The following AGPAT3 variants were observed in gnomAD, a reference collection of about 807,000 sequenced individuals.
AGPAT3 encodes the protein 1-acylglycerol-3-phosphate O-acyltransferase 3, also known as 1-acyl-sn-glycerol-3-phosphate acyltransferase gamma.
AGPAT3 carries 5 observed loss-of-function variants against 47.3 expected under a neutral mutation model. That is an observed-to-expected ratio of 0.11 (90% CI 0.06 to 0.22). AGPAT3 has a LOEUF of 0.22. AGPAT3 is among the 10% of genes least tolerant of loss of function. The probability of loss-of-function intolerance (pLI) is 1.00; values close to 1 mark genes in which losing one functional copy is unlikely to be tolerated. For synonymous variants in AGPAT3, 212 were observed against 208.3 expected (o/e 1.02, Z -0.15); for missense variants, 315 against 493.0 (o/e 0.64, Z 3.42).
chr21:43,916,291 G>A (rs1261628339), intron 2 of AGPAT3: 1 of 152,148 alleles, frequency 6.6e-6, no homozygotes, highest in Non-Finnish European at 1.5e-5. Context: ...ACAGCCTTGT[G>A]TGCTTATTTC....
At chr21:43,944,538 T>C (rs917445429) in intron 2 of AGPAT3, among the ~76,000 whole-genome samples, 7 of 152,190 alleles carry the variant, frequency 4.6e-5, no homozygotes, top group Non-Finnish European at 7.3e-5. Context: ...CCGCCCCTCC[T>C]CCTAAGTGGC....
intron 2 of AGPAT3, among the ~76,000 whole-genome samples, chr21:43,906,531 C>T (rs374805629): frequency 2.0e-5 from 3 of 152,184 alleles, no homozygotes; most frequent in Non-Finnish European, 4.4e-5. Context: ...CTAAAACCAA[C>T]GAGACAGATA....
chr21:43,946,271 C>T (rs889324771), intron 2 of AGPAT3, among the ~76,000 whole-genome samples: 3 of 152,198 alleles, frequency 2.0e-5, no homozygotes, highest in East Asian at 1.9e-4. Context: ...AGAATTCCAC[C>T]TCCTACATAA....
At chr21:43,905,351 G>A (rs1240529893) in intron 2 of AGPAT3, among the ~76,000 whole-genome samples, 11 of 151,918 alleles carry the variant, frequency 7.2e-5, no homozygotes, top group Middle Eastern at 3.4e-3. Context: ...CACCACGTCC[G>A]GCTAATTTTT....
chr21:43,905,764 G>T (rs2086478075), intron 2 of AGPAT3, among the ~76,000 whole-genome samples: 1 of 152,206 alleles, frequency 6.6e-6, no homozygotes, highest in Non-Finnish European at 1.5e-5. Flanking sequence ...AGCTCTCACT[G>T]CATTCCCGCT....
chr21:43,885,435 C>CTA (rs2085954304), intron 1 of AGPAT3, among the ~76,000 whole-genome samples: 1 of 147,794 alleles, frequency 6.8e-6, no homozygotes, highest in Non-Finnish European at 1.5e-5. Flanking sequence ...GTCACCCATG[C>CTA]TAGAGTGCAA....
At chr21:43,891,502 A>G (rs905425434) in intron 1 of AGPAT3, among the ~76,000 whole-genome samples, 1 of 152,042 alleles carries the variant, frequency 6.6e-6, no homozygotes, top group Non-Finnish European at 1.5e-5. Context: ...GTGTGGTGGC[A>G]GGCGCCTGTA....
At chr21:43,919,433 A>G (rs2086839217) in intron 2 of AGPAT3, among the ~76,000 whole-genome samples, 1 of 152,162 alleles carries the variant, frequency 6.6e-6, no homozygotes, top group African/African-American at 2.4e-5. Flanking sequence ...ACTTAGAATA[A>G]TGGCCTCCAG....
At chr21:43,892,904 G>A (rs2086130729) in intron 1 of AGPAT3, among the ~76,000 whole-genome samples, 1 of 152,126 alleles carries the variant, frequency 6.6e-6, no homozygotes, top group Non-Finnish European at 1.5e-5. Flanking sequence ...AGACCAAGCT[G>A]GGCAACGTGA....
chr21:43,957,661 G>GGGGGTCTCGGGTTTCCCCCTCCACAC (rs1358267908), intron 2 of AGPAT3, among the ~76,000 whole-genome samples: 3 of 147,128 alleles, frequency 2.0e-5, no homozygotes, highest in Non-Finnish European at 4.5e-5. Flanking sequence ...CCCTCCACAC[G>GGGGGTCTCGGGTTTCCCCCTCCACAC]GGGGTCTCGG....
At chr21:43,959,570 C>T (rs1413018070) in intron 2 of AGPAT3, 64 bp from the exon 3 acceptor site, 15 of 1,473,164 alleles carry the variant, frequency 1.0e-5, no homozygotes, top group East Asian at 6.8e-5. Flanking sequence ...GAGCAGTGCC[C>T]CGGTGTTCCT....
At chr21:43,942,185 G>T (rs963575192) in intron 2 of AGPAT3, among the ~76,000 whole-genome samples, 6 of 152,248 alleles carry the variant, frequency 3.9e-5, no homozygotes, top group African/African-American at 1.4e-4. Context: ...GTGGGCTTGT[G>T]AGGTCCCTGT....
chr21:43,955,122 G>A lies in AGPAT3; in HGVS notation c.-48-4512G>A, dbSNP rs1194859118. On this transcript the variant is annotated intron_variant, in intron 2 of 9. Coordinates refer to ENST00000291572, the MANE Select transcript of AGPAT3 (RefSeq NM_020132.5). This position sits in a 1 kb window ranked among gnomAD's most constrained non-coding sequence, Gnocchi z 4.1. The stretch of plus-strand genomic sequence containing the variant: ...ATCACCGTGGCACGTCCATGCCGTG[G>A]GGGTCACTCAGCAGCCACGGATGCG... 1 of 1,276,186 alleles carries A rather than the reference G, an allele frequency of 7.8e-7. No homozygotes were observed. The highest frequency in any genetic ancestry group is 1.0e-6 in the Non-Finnish European group (1 of 980,556). The allele number at this position is 1,276,186 out of a possible 1,614,324, so 79.1% of individuals were successfully genotyped here. A position where few individuals can be genotyped will look rare whatever the true frequency, so the allele number is the denominator to read the frequency against.
At chr21:43,902,699 T>G (rs2086386447) in intron 1 of AGPAT3, among the ~76,000 whole-genome samples, 1 of 152,160 alleles carries the variant, frequency 6.6e-6, no homozygotes, top group African/African-American at 2.4e-5. Flanking sequence ...GCAGGGAGGA[T>G]TTCGACGTAT....
At chr21:43,940,821 G>A (rs1446995901) in intron 2 of AGPAT3, among the ~76,000 whole-genome samples, 1 of 152,244 alleles carries the variant, frequency 6.6e-6, no homozygotes, top group Non-Finnish European at 1.5e-5. Context: ...TTTCCCAGCT[G>A]CCCTTGACCA....
chr21:43,941,515 C>T lies in AGPAT3; in HGVS notation c.-48-18119C>T, dbSNP rs543023989. Among the ~76,000 whole-genome samples, 31 of 152,342 alleles carry T rather than the reference C, an allele frequency of 2.0e-4. 2 individuals are homozygous for T. The highest frequency in any genetic ancestry group is 1.9e-3 in the Admixed American group (29 of 15,300). On this transcript the variant is annotated intron_variant, in intron 2 of 9. Coordinates refer to ENST00000291572, the MANE Select transcript of AGPAT3 (RefSeq NM_020132.5). Reference sequence around the variant, plus strand: ...TGAGCTGTGATTACGCCACTGCACTCCAGCCTGGGCAACAGAGCGAGACCC... The same window carrying T: ...TGAGCTGTGATTACGCCACTGCACTTCAGCCTGGGCAACAGAGCGAGACCC...
At chr21:43,879,373 A>T (rs2085804856) in intron 1 of AGPAT3, among the ~76,000 whole-genome samples, 2 of 134,350 alleles carry the variant, frequency 1.5e-5, no homozygotes, top group African/African-American at 5.6e-5. Flanking sequence ...AAAAAAAAAA[A>T]TCCAACATGC....
At chr21:43,877,919 A>G (rs965168210) in intron 1 of AGPAT3, among the ~76,000 whole-genome samples, 17 of 137,970 alleles carry the variant, frequency 1.2e-4, no homozygotes, top group African/African-American at 4.1e-4. Context: ...CCCCTTCCCC[A>G]TCTATGGCTC....
At chr21:43,902,089 A>G (rs1366529539) in intron 1 of AGPAT3, among the ~76,000 whole-genome samples, 4 of 152,212 alleles carry the variant, frequency 2.6e-5, no homozygotes, top group Non-Finnish European at 4.4e-5. Flanking sequence ...CCGAAGAAAC[A>G]TGAAGGAATT....
Sources: allele counts gnomAD v4.1 joint callset (sites outside exome capture counted in the v4.1 genomes callset), GRCh38; gene constraint gnomAD v4.1.1; non-coding constraint Gnocchi (gnomAD v3.1); transcripts MANE v1.5; gene names NCBI Gene and HGNC (gene_info 2026-07-23, HGNC 2026-07-21).